GCLM: variants seen among roughly 807,000 people sequenced by gnomAD.
The protein encoded by GCLM is glutamate--cysteine ligase regulatory subunit.
In GCLM, 15 loss-of-function variants were observed where a neutral mutation model predicts 36.0. The ratio of observed to expected loss-of-function variants is 0.42; its 90% confidence interval spans 0.28 to 0.64. The LOEUF is 0.64. Ranked by LOEUF, GCLM falls within the 30% of genes least tolerant of loss-of-function variation. The probability of loss-of-function intolerance (pLI) is 0.25; values close to 1 mark genes in which losing one functional copy is unlikely to be tolerated. For missense variants in GCLM, 242 were observed against 325.5 expected, an observed-to-expected ratio of 0.74 and a Z score of 1.97; for synonymous variants, 129 against 122.8, an observed-to-expected ratio of 1.05 and a Z score of -0.34.
At chr1:93,908,583 C>CA (rs201126342) in intron 1 of GCLM, 1,892 of 152,512 alleles carry the variant, frequency 0.012, 36 homozygotes, top group African/African-American at 0.043. Flanking sequence ...AGTCTAATGT[C>CA]AACATTCTAA....
chr1:93,896,669 A>G lies in GCLM; in HGVS notation c.489T>C (p.Gly163=). The change falls in exon 5 of 7, where the codon GGT becomes GGC. Residue 163 remains glycine (G), a synonymous_variant. Coordinates refer to ENST00000370238, the MANE Select transcript of GCLM (RefSeq NM_002061.4). ...ACTGTGTTTTGTCTAGATCAGAGGT[A>G]CCTATGGCAACAATCTTTTTGCTCT... ...LVQSKKIVAI[G]TSDLDKTQLE... is the part of the protein sequence containing the mutation. 1 of 1,614,114 alleles carries G rather than the reference A, an allele frequency of 6.2e-7. No individual in the cohort carries two copies. Among genetic ancestry groups the G allele is most frequent in the Non-Finnish European group, 8.5e-7 (1 of 1,179,978 alleles).
chr1:93,901,987 C>T (rs972899822), intron 2 of GCLM, among the ~76,000 whole-genome samples: 1 of 151,772 alleles, frequency 6.6e-6, no homozygotes, highest in Non-Finnish European at 1.5e-5. Flanking sequence ...GAGTTAGAAA[C>T]AGTAGCACAG....
chr1:93,889,282 G>A, intron 6 of GCLM, 123 bp from the exon 7 acceptor site: 1 of 533,006 alleles, frequency 1.9e-6, no homozygotes, highest in Non-Finnish European at 3.2e-6. Context: ...TATATAATAT[G>A]CTTATTCTTC....
intron 5 of GCLM, 70 bp downstream of exon 5, chr1:93,896,548 C>T: frequency 2.4e-6 from 3 of 1,240,322 alleles, no homozygotes; most frequent in Non-Finnish European, 3.6e-6. Flanking sequence ...GCATGATGCT[C>T]AACAGTGTGC....
intron 1 of GCLM, among the ~76,000 whole-genome samples, chr1:93,906,015 T>C (rs1246476510): frequency 6.6e-6 from 1 of 152,228 alleles, no homozygotes; most frequent in African/African-American, 2.4e-5. Context: ...ACTTTCCTAA[T>C]AGAAACAGCA....
intron 6 of GCLM, among the ~76,000 whole-genome samples, chr1:93,891,373 C>G (rs72969374): frequency 0.081 from 12,365 of 152,120 alleles, 1,282 homozygotes; most frequent in African/African-American, 0.24. Context: ...CACACTTTTT[C>G]CAGATATTCA....
At chr1:93,890,939 T>C (rs1333912762) in intron 6 of GCLM, among the ~76,000 whole-genome samples, 1 of 151,674 alleles carries the variant, frequency 6.6e-6, no homozygotes, top group Non-Finnish European at 1.5e-5. Context: ...TGCAGTGGCA[T>C]GATCACAGCT....
At chr1:93,889,921 T>A in intron 6 of GCLM, among the ~76,000 whole-genome samples, 1 of 145,382 alleles carries the variant, frequency 6.9e-6, no homozygotes, top group Non-Finnish European at 1.5e-5. Flanking sequence ...TATATATATA[T>A]TTTTTTTTGA....
intron 2 of GCLM, among the ~76,000 whole-genome samples, chr1:93,902,028 GAAAAT>G (rs879697864): frequency 2.0e-5 from 3 of 151,902 alleles, no homozygotes; most frequent in Non-Finnish European, 4.4e-5. Context: ...AGAAACCAAT[GAAAAT>G]AATATCCACT....
rs17886750 is a variant in GCLM, at chr1:93,902,505, T to C, written c.193-836A>G. Among the ~76,000 whole-genome samples, 937 of 152,022 alleles carry C rather than the reference T, an allele frequency of 6.2e-3. 14 individuals are homozygous for C. The highest frequency in any genetic ancestry group is 0.029 in the Admixed American group (438 of 15,274). On this transcript the variant is annotated intron_variant, in intron 2 of 6. Transcript: ENST00000370238. ...TTTTTTTTTTTTTAAATATACTTTT[T>C]TTTTAGAGCAGTTTTAGGTTCACAA...
At chr1:93,893,484 C>G (rs1656609314) in intron 6 of GCLM, among the ~76,000 whole-genome samples, 1 of 152,078 alleles carries the variant, frequency 6.6e-6, no homozygotes, top group Non-Finnish European at 1.5e-5. Context: ...AATGAGCAAA[C>G]TGAATCAACC....
At chr1:93,902,437 C>T (rs1294546999) in intron 2 of GCLM, among the ~76,000 whole-genome samples, 3 of 147,306 alleles carry the variant, frequency 2.0e-5, no homozygotes, top group Non-Finnish European at 3.0e-5. Context: ...CTCGGCCTCC[C>T]AAAGTGCTGG....
At chr1:93,899,521 CA>C (rs1409716059) in intron 3 of GCLM, among the ~76,000 whole-genome samples, 3 of 151,902 alleles carry the variant, frequency 2.0e-5, no homozygotes, top group African/African-American at 7.3e-5. Flanking sequence ...TATATAATGC[CA>C]AAACAAACAT....
chr1:93,905,597 TTAGA>T (rs1179016350), intron 1 of GCLM, among the ~76,000 whole-genome samples: 6 of 152,070 alleles, frequency 3.9e-5, no homozygotes, highest in East Asian at 1.9e-4. Context: ...CCATGTTTTC[TTAGA>T]TAAACAAAAA....
intron 5 of GCLM, among the ~76,000 whole-genome samples, chr1:93,895,474 C>G (rs774914654): frequency 8.5e-5 from 13 of 152,140 alleles, no homozygotes; most frequent in Non-Finnish European, 7.3e-5. Context: ...CAAGTAAATA[C>G]CTTTAATGTT....
intron 2 of GCLM, among the ~76,000 whole-genome samples, chr1:93,903,949 A>G (rs1276361927): frequency 6.6e-6 from 1 of 152,218 alleles, no homozygotes; most frequent in Non-Finnish European, 1.5e-5. Flanking sequence ...GTAGCTATAG[A>G]GTTACATGGT....
At chr1:93,891,843 T>C (rs889530730) in intron 6 of GCLM, among the ~76,000 whole-genome samples, 5 of 152,218 alleles carry the variant, frequency 3.3e-5, no homozygotes, top group East Asian at 3.8e-4. Flanking sequence ...GCTATTTTCA[T>C]GTGCGAGGTA....
Position 93,888,957 on chromosome 1 carries a change from G to A in GCLM, c.*33C>T. ...CATCTCAATTTTCTCTCATATTGAA[G>A]GAAATTACAGGTAAGTTATGCTCCT... is the stretch of plus-strand genomic sequence containing the variant. On this transcript the variant is annotated 3_prime_UTR_variant, in exon 7 of 7. Coordinates refer to ENST00000370238, the MANE Select transcript of GCLM (RefSeq NM_002061.4). 6.9e-7 allele frequency: 1 copy of A among 1,446,428 alleles called. No homozygotes were observed. The highest frequency in any genetic ancestry group is 9.3e-7 in the Non-Finnish European group (1 of 1,075,572). The allele number at this position is 1,446,428 out of a possible 1,614,324, so 89.6% of individuals were successfully genotyped here.
intron 1 of GCLM, among the ~76,000 whole-genome samples, chr1:93,905,631 T>C (rs937307101): frequency 6.6e-6 from 1 of 152,218 alleles, no homozygotes; most frequent in African/African-American, 2.4e-5. Context: ...ACAAATATTA[T>C]AGTATGTTGT....
Sources: gnomAD v4.1 joint callset for allele counts (sites outside exome capture counted in the v4.1 genomes callset) on GRCh38, gnomAD v4.1.1 for gene constraint, MANE v1.5 for transcripts, NCBI Gene and HGNC (gene_info 2026-07-23, HGNC 2026-07-21) for gene names.